Variants in IGSF3 observed in about 807,000 individuals in gnomAD.
IGSF3 encodes glu-Trp-Ile EWI motif-containing protein 3.
In IGSF3, 23 loss-of-function variants were observed where a neutral mutation model predicts 114.4. That is an observed-to-expected ratio of 0.20 (90% CI 0.14 to 0.28). The LOEUF is 0.28. Ranked by LOEUF, IGSF3 falls within the 10% of genes least tolerant of loss-of-function variation. The pLI, the probability that IGSF3 is intolerant of heterozygous loss-of-function variation, is 1.00. For missense variants in IGSF3, 1,172 were observed against 1,591.5 expected, an observed-to-expected ratio of 0.74 and a Z score of 4.48; for synonymous variants, 571 against 645.2, an observed-to-expected ratio of 0.88 and a Z score of 1.74.
chr1:116,579,647 G>GGTCGTCGTC lies in IGSF3; in HGVS notation c.3070_3078dup (p.Asp1024_Asp1026dup), dbSNP rs531457319. 2 of 1,595,814 alleles carry GGTCGTCGTC rather than the reference G, an allele frequency of 1.3e-6. No homozygotes were observed. The highest frequency in any genetic ancestry group is 1.7e-6 in the Non-Finnish European group (2 of 1,166,930). Reference sequence around the variant, plus strand: ...CTCAGCAGGGCCGTCCGCTCTGTTGGGTCGTCGTCGTCGTCGTCGTCCTCC... The same window carrying GGTCGTCGTC: ...CTCAGCAGGGCCGTCCGCTCTGTTGGGTCGTCGTCGTCGTCGTCGTCGTCGTCGTCCTCC... On this transcript the variant is annotated inframe_insertion, in exon 10 of 11. Coordinates refer to ENST00000369486, the MANE Select transcript of IGSF3 (RefSeq NM_001007237.3). This position sits in a 1 kb window ranked among gnomAD's most constrained non-coding sequence, Gnocchi z 6.4.
At chr1:116,646,590 T>G (rs1366805216) in intron 2 of IGSF3, among the ~76,000 whole-genome samples, 5 of 152,126 alleles carry the variant, frequency 3.3e-5, no homozygotes, top group Non-Finnish European at 7.3e-5. Context: ...TAACTAAGAT[T>G]GCCAGAGGGA....
At chr1:116,606,190 C>A (rs1403415762) in intron 5 of IGSF3, among the ~76,000 whole-genome samples, 1 of 152,212 alleles carries the variant, frequency 6.6e-6, no homozygotes, top group East Asian at 1.9e-4. Flanking sequence ...AGGAAGTTGA[C>A]GGTGTAGCAC....
Position 116,625,387 on chromosome 1 carries a change from A to G in IGSF3, c.44-8930T>C, listed in dbSNP as rs780502941. Among the ~76,000 whole-genome samples the G allele has an allele frequency of 6.6e-5, 10 of 152,262 alleles. No homozygotes were observed. The highest frequency in any genetic ancestry group is 1.2e-4 in the Non-Finnish European group (8 of 68,048). ...GTCCCAAAGCACAAGGGAAATATAT[A>G]CCACGTGAAAACACTGCAGTGCATT... is the stretch of plus-strand genomic sequence containing the variant. On this transcript the variant is annotated intron_variant, in intron 2 of 10. Transcript: ENST00000369486. This position sits in a 1 kb window ranked among gnomAD's most constrained non-coding sequence, Gnocchi z 4.7.
At chr1:116,656,447 C>A (rs191324099) in intron 2 of IGSF3, among the ~76,000 whole-genome samples, 10 of 151,794 alleles carry the variant, frequency 6.6e-5, no homozygotes, top group Admixed American at 5.9e-4. Flanking sequence ...ACTACAGGTG[C>A]CCGCCACCAC....
Position 116,638,281 on chromosome 1 carries a change from G to A in IGSF3, c.44-21824C>T, listed in dbSNP as rs1647926497. On this transcript the variant is annotated intron_variant, in intron 2 of 10. Transcript: ENST00000369486. The surrounding 1 kb of genome is among the most constrained non-coding windows in gnomAD (Gnocchi z 4.1). ...CCTGTGTCACTGCCACTTGTCAACTGCCTAATCCAGCCACGCTGTTCTTCA... is the reference window on the plus strand; with the variant it reads ...CCTGTGTCACTGCCACTTGTCAACTACCTAATCCAGCCACGCTGTTCTTCA... 6.6e-6 allele frequency among the ~76,000 whole-genome samples: 1 copy of A among 152,128 alleles called. No homozygotes were observed. Among genetic ancestry groups the A allele is most frequent in the Non-Finnish European group, 1.5e-5 (1 of 68,026 alleles).
intron 7 of IGSF3, among the ~76,000 whole-genome samples, chr1:116,599,021 A>C (rs1216684361): frequency 1.3e-5 from 2 of 152,138 alleles, no homozygotes; most frequent in African/African-American, 2.4e-5. Flanking sequence ...GGGCCCATAC[A>C]ACTGGACAGG....
chr1:116,635,075 G>A (rs577364010), intron 2 of IGSF3, among the ~76,000 whole-genome samples: 2 of 152,298 alleles, frequency 1.3e-5, no homozygotes, highest in Admixed American at 6.5e-5. Context: ...CTTCATGAAA[G>A]AGAATAAACT....
intron 10 of IGSF3, among the ~76,000 whole-genome samples, chr1:116,578,782 TC>T (rs1171946958): frequency 6.6e-6 from 1 of 152,150 alleles, no homozygotes; most frequent in Non-Finnish European, 1.5e-5. Context: ...CAGCAATACT[TC>T]CCCCAGTCTC....
rs562333782 is a variant in IGSF3 at position 116,625,164 on chromosome 1, T to C, written c.44-8707A>G. Among the ~76,000 whole-genome samples, 2 of 152,376 alleles carry C rather than the reference T, an allele frequency of 1.3e-5. No homozygotes were observed. The highest frequency in any genetic ancestry group is 4.1e-4 in the South Asian group (2 of 4,834). On this transcript the variant is annotated intron_variant, in intron 2 of 10. Transcript: ENST00000369486. The surrounding 1 kb of genome is among the most constrained non-coding windows in gnomAD (Gnocchi z 4.7). ...TTTCAGTACCTATTATGATGGATAC[T>C]AGGACAGAAACTGTGAGGGAGAGAT...
rs1051818685 is a variant in IGSF3, at chr1:116,642,751, T to G, written c.43+23533A>C. ...TGGGATACCAGCTCCTGGGATGCGC[T>G]GTAGTATCATCAATCACCGCTGCTG... On this transcript the variant is annotated intron_variant, in intron 2 of 10. Coordinates refer to ENST00000369486, the MANE Select transcript of IGSF3 (RefSeq NM_001007237.3). The surrounding 1 kb of genome is among the most constrained non-coding windows in gnomAD (Gnocchi z 5.4). Among the ~76,000 whole-genome samples, 2 of 152,356 alleles carry G rather than the reference T, an allele frequency of 1.3e-5. No homozygotes were observed. Among genetic ancestry groups the G allele is most frequent in the Middle Eastern group, 3.4e-3 (1 of 294 alleles).
chr1:116,604,574 G>C (rs1660719425), intron 5 of IGSF3, among the ~76,000 whole-genome samples: 1 of 152,224 alleles, frequency 6.6e-6, no homozygotes, highest in East Asian at 1.9e-4. Context: ...GCTTAAGTGT[G>C]GGTAATAAGG....
At chr1:116,586,848 T>C (rs148583014) in intron 8 of IGSF3, among the ~76,000 whole-genome samples, 12 of 152,146 alleles carry the variant, frequency 7.9e-5, no homozygotes, top group African/African-American at 2.9e-4. Context: ...CTGGTGGGCC[T>C]AATGACAACC....
Position 116,577,368 on chromosome 1 carries a change from A to T in IGSF3, c.3529T>A (p.Ser1177Thr), listed in dbSNP as rs749304206. The part of the protein sequence containing the change: ...LWIKEPHLNY[S>T]PTCLEPPVLS... ...ACAGGGGGCTCCAGGCAAGTAGGGG[A>T]GTAGTTGAGGTGTGGCTCTTTGATC... Residue 1177 changes from serine (S) to threonine (T), a missense_variant, in exon 11 of 11, where the codon TCC becomes ACC. Physicochemically the swap from Ser to Thr is moderately conservative, Grantham distance 58. Around this residue, in one of 3 missense-constraint regions of IGSF3, gnomAD observed 423 missense variants for 509.8 expected, o/e 0.83. Coordinates refer to ENST00000369486, the MANE Select transcript of IGSF3 (RefSeq NM_001007237.3). This position sits in a 1 kb window ranked among gnomAD's most constrained non-coding sequence, Gnocchi z 5.7. 6.2e-7 allele frequency: 1 copy of T among 1,614,046 alleles called. No individual in the cohort carries two copies. Among genetic ancestry groups the T allele is most frequent in the Non-Finnish European group, 8.5e-7 (1 of 1,180,000 alleles).
rs1168990169 is a variant in IGSF3 at position 116,574,826 on chromosome 1, C to G, written c.*2486G>C. The G allele has an allele frequency of 3.3e-5, 5 of 152,612 alleles. No homozygotes were observed. The East Asian group carries it at 7.7e-4, about 24-fold the overall frequency. 9.5% of individuals were successfully genotyped at this position (152,612 alleles called of 1,614,324 possible). On this transcript the variant is annotated 3_prime_UTR_variant, in exon 11 of 11. Transcript: ENST00000369486. The surrounding 1 kb of genome is among the most constrained non-coding windows in gnomAD (Gnocchi z 5.2). ...GGCACCATTACCATCCATCTGACAT[C>G]GCATTTCCATAGAAATGGCCAAAGA...
chr1:116,578,387 C>A (rs2101283952), intron 10 of IGSF3, among the ~76,000 whole-genome samples: 1 of 152,354 alleles, frequency 6.6e-6, no homozygotes, highest in African/African-American at 2.4e-5. Flanking sequence ...ATGTATGATG[C>A]AGCCTGCTTT....
chr1:116,648,304 G>A lies in IGSF3; in HGVS notation c.43+17980C>T, dbSNP rs1316552957. 3.3e-5 allele frequency among the ~76,000 whole-genome samples: 5 copies of A among 152,162 alleles called. No individual in the cohort carries two copies. Among genetic ancestry groups the A allele is most frequent in the Admixed American group, 2.6e-4 (4 of 15,280 alleles). ...CAGAGAGGACAATGCCAGCAATGCC[G>A]GCTGTCTCCCAAGTCTGAAGGGTTT... On this transcript the variant is annotated intron_variant, in intron 2 of 10. Transcript: ENST00000369486. This position sits in a 1 kb window ranked among gnomAD's most constrained non-coding sequence, Gnocchi z 4.7.
In IGSF3 at chr1:116,649,371, C is replaced by T. The variant is rs1024681121; in HGVS notation, c.43+16913G>A. Among the ~76,000 whole-genome samples, 2 of 152,272 alleles carry T rather than the reference C, an allele frequency of 1.3e-5. No homozygotes were observed. Among genetic ancestry groups the T allele is most frequent in the African/African-American group, 4.8e-5 (2 of 41,470 alleles). Reference sequence around the variant, plus strand: ...CATGTCTAGTGAGTTGCCTCTACCACATCCTCTTAACCCTTGGCCTCTCAT... The same window carrying T: ...CATGTCTAGTGAGTTGCCTCTACCATATCCTCTTAACCCTTGGCCTCTCAT... On this transcript the variant is annotated intron_variant, in intron 2 of 10. Coordinates refer to ENST00000369486, the MANE Select transcript of IGSF3 (RefSeq NM_001007237.3). This position sits in a 1 kb window ranked among gnomAD's most constrained non-coding sequence, Gnocchi z 4.5.
intron 1 of IGSF3, among the ~76,000 whole-genome samples, chr1:116,667,313 G>A (rs1296675685): frequency 6.6e-6 from 1 of 152,126 alleles, no homozygotes; most frequent in East Asian, 1.9e-4. Context: ...CCCCAACCGT[G>A]GGAGCTCTGC....
Position 116,594,065 on chromosome 1 carries a change from G to C in IGSF3, c.2030-4961C>G, listed in dbSNP as rs187236689. ...TTTTAAAATATGCCAGGTCAGTCAA[G>C]AGAGGATTTTCCTTTGTTTTGTTCA... On this transcript the variant is annotated intron_variant, in intron 7 of 10. Coordinates refer to ENST00000369486, the MANE Select transcript of IGSF3 (RefSeq NM_001007237.3). This position sits in a 1 kb window ranked among gnomAD's most constrained non-coding sequence, Gnocchi z 5.2. Among the ~76,000 whole-genome samples the C allele has an allele frequency of 2.6e-4, 40 of 152,306 alleles. No homozygotes were observed. The highest frequency in any genetic ancestry group is 5.4e-4 in the Non-Finnish European group (37 of 68,038).
Sources: gnomAD v4.1 joint callset for allele counts (sites outside exome capture counted in the v4.1 genomes callset) on GRCh38, gnomAD v4.1.1 for gene constraint, gnomAD v4.1.1 regional missense constraint, Gnocchi (gnomAD v3.1) non-coding constraint, MANE v1.5 for transcripts, NCBI Gene and HGNC (gene_info 2026-07-23, HGNC 2026-07-21) for gene names.